The following UBE2E2 variants were observed in gnomAD, a reference collection of about 807,000 sequenced individuals.
UBE2E2 encodes ubiquitin-conjugating enzyme E2 E2.
A neutral mutation model predicts 24.7 loss-of-function variants in UBE2E2; 6 were observed. That is an observed-to-expected ratio of 0.24 (90% CI 0.13 to 0.48). UBE2E2 has a LOEUF of 0.48. Ranked by LOEUF, UBE2E2 falls within the 20% of genes least tolerant of loss-of-function variation. UBE2E2 has a pLI of 0.99. For missense variants in UBE2E2, 169 were observed against 245.0 expected (o/e 0.69, Z 2.07); for synonymous variants, 104 against 83.6 (o/e 1.24, Z -1.33).
intron 3 of UBE2E2, among the ~76,000 whole-genome samples, chr3:23,285,552 T>G (rs1193278342): frequency 6.6e-6 from 1 of 152,208 alleles, no homozygotes; most frequent in East Asian, 1.9e-4. Flanking sequence ...TGCCTGTCTT[T>G]GGATAAAAGT....
chr3:23,480,093 A>G (rs1699225137), intron 3 of UBE2E2, among the ~76,000 whole-genome samples: 2 of 152,102 alleles, frequency 1.3e-5, no homozygotes, highest in Admixed American at 6.5e-5. Flanking sequence ...CATACCATCC[A>G]TGGCACCCAG....
At chr3:23,584,858 C>T (rs574757643) in intron 5 of UBE2E2, among the ~76,000 whole-genome samples, 8 of 151,938 alleles carry the variant, frequency 5.3e-5, no homozygotes, top group East Asian at 3.9e-4. Flanking sequence ...AGGCATGAGC[C>T]GCTGTGCCCA....
chr3:23,500,026 T>C (rs1310919947), intron 4 of UBE2E2, among the ~76,000 whole-genome samples: 2 of 152,036 alleles, frequency 1.3e-5, no homozygotes, highest in Non-Finnish European at 2.9e-5. Context: ...GTTTTATGGG[T>C]GAAAATGGGG....
At chr3:23,268,050 G>A (rs1324766727) in intron 3 of UBE2E2, among the ~76,000 whole-genome samples, 8 of 151,388 alleles carry the variant, frequency 5.3e-5, no homozygotes, top group East Asian at 1.9e-4. Context: ...TTGATGGGAC[G>A]TATCTCAAAA....
At chr3:23,513,813 G>A (rs1158610338) in intron 4 of UBE2E2, among the ~76,000 whole-genome samples, 5 of 152,038 alleles carry the variant, frequency 3.3e-5, no homozygotes, top group Non-Finnish European at 7.4e-5. Context: ...ACCTTTTCAT[G>A]TGTCCAGAAT....
chr3:23,254,866 A>T (rs1697670823), intron 3 of UBE2E2, among the ~76,000 whole-genome samples: 1 of 152,002 alleles, frequency 6.6e-6, no homozygotes, highest in South Asian at 2.1e-4. Flanking sequence ...TCCTTGTATA[A>T]TCTTAAAGGG....
At chr3:23,234,493 A>T (rs975580466) in intron 3 of UBE2E2, among the ~76,000 whole-genome samples, 2 of 152,126 alleles carry the variant, frequency 1.3e-5, no homozygotes, top group Non-Finnish European at 2.9e-5. Flanking sequence ...GAGAGTTTTG[A>T]TTAATTTAGA....
At position 23,244,429 on chromosome 3, in the gene UBE2E2, T is replaced by C. The variant is rs1354900466; in HGVS notation, c.227+27117T>C. ...TCTTCATGCAGTTGACTTTTCTGTATTTGTGTGCTTTAGCCTCCTTAATGA... is the reference window on the plus strand; with the variant it reads ...TCTTCATGCAGTTGACTTTTCTGTACTTGTGTGCTTTAGCCTCCTTAATGA... On this transcript the variant is annotated intron_variant, in intron 3 of 5. Coordinates refer to ENST00000396703, the MANE Select transcript of UBE2E2 (RefSeq NM_152653.4). Among the ~76,000 whole-genome samples, 4 of 152,298 alleles carry C rather than the reference T, an allele frequency of 2.6e-5. No homozygotes were observed. The South Asian group carries it at 6.2e-4, about 24-fold the overall frequency.
In UBE2E2 at chr3:23,589,065, G is replaced by A. The variant is rs146301987; in HGVS notation, c.509-669G>A. Among the ~76,000 whole-genome samples, 581 of 152,080 alleles carry A rather than the reference G, an allele frequency of 3.8e-3. 6 individuals carry two copies. The highest frequency in any genetic ancestry group is 6.9e-3 in the Non-Finnish European group (472 of 67,994). ...GTCCAGACCGCCAAACGTCTTCCCA[G>A]GAGAGCTCATCAAGAGCCCATGAGT... is the stretch of plus-strand genomic sequence containing the variant. On this transcript the variant is annotated intron_variant, in intron 5 of 5. Coordinates refer to ENST00000396703, the MANE Select transcript of UBE2E2 (RefSeq NM_152653.4). This position sits in a 1 kb window ranked among gnomAD's most constrained non-coding sequence, Gnocchi z 4.1.
chr3:23,319,878 C>T (rs982897128), intron 3 of UBE2E2, among the ~76,000 whole-genome samples: 2 of 152,052 alleles, frequency 1.3e-5, no homozygotes, highest in African/African-American at 2.4e-5. Flanking sequence ...AACAACTATC[C>T]TCTTGTTGAC....
intron 1 of UBE2E2, chr3:23,204,837 A>G: frequency 1.2e-6 from 1 of 826,634 alleles, no homozygotes; most frequent in Non-Finnish European, 1.5e-6. Flanking sequence ...GAAGACAGCA[A>G]GACATATATG....
chr3:23,277,632 TA>T (rs1188343950), intron 3 of UBE2E2, among the ~76,000 whole-genome samples: 10 of 152,066 alleles, frequency 6.6e-5, no homozygotes, highest in Non-Finnish European at 1.5e-4. Flanking sequence ...AGTCCTAAAT[TA>T]GGGGGCTATA....
chr3:23,409,263 T>G (rs184544511), intron 3 of UBE2E2, among the ~76,000 whole-genome samples: 391 of 152,286 alleles, frequency 2.6e-3, no homozygotes, highest in Middle Eastern at 0.01. Context: ...GTTACACAGT[T>G]AGCTCTTAGA....
At chr3:23,341,638 C>A (rs557228083) in intron 3 of UBE2E2, among the ~76,000 whole-genome samples, 1 of 152,302 alleles carries the variant, frequency 6.6e-6, no homozygotes, top group East Asian at 1.9e-4. Flanking sequence ...CCCACAGCTA[C>A]TCTTATCTGC....
At chr3:23,457,571 C>G (rs1197479728) in intron 3 of UBE2E2, among the ~76,000 whole-genome samples, 2 of 152,140 alleles carry the variant, frequency 1.3e-5, no homozygotes, top group African/African-American at 4.8e-5. Flanking sequence ...GTCACCAAGG[C>G]TGGAGTGCAG....
chr3:23,247,034 T>C (rs989967655), intron 3 of UBE2E2, among the ~76,000 whole-genome samples: 1 of 152,042 alleles, frequency 6.6e-6, no homozygotes, highest in Admixed American at 6.5e-5. Flanking sequence ...ACGTTTTTTA[T>C]TGTAGAGACA....
chr3:23,314,361 C>G (rs1334244235), intron 3 of UBE2E2, among the ~76,000 whole-genome samples: 3 of 152,122 alleles, frequency 2.0e-5, no homozygotes, highest in Admixed American at 2.0e-4. Context: ...TACTCCTGGG[C>G]TCAAGTGATC....
intron 3 of UBE2E2, among the ~76,000 whole-genome samples, chr3:23,290,076 A>C (rs979601305): frequency 2.6e-5 from 4 of 152,226 alleles, no homozygotes; most frequent in Non-Finnish European, 5.9e-5. Flanking sequence ...ATTTTAAACC[A>C]CTCAATAATG....
chr3:23,267,668 C>T (rs1239449432), intron 3 of UBE2E2, among the ~76,000 whole-genome samples: 1 of 151,762 alleles, frequency 6.6e-6, no homozygotes, highest in Non-Finnish European at 1.5e-5. Context: ...CTATTCCAAT[C>T]AATAGAAAAA....
Sources: allele counts gnomAD v4.1 joint callset (sites outside exome capture counted in the v4.1 genomes callset), GRCh38; gene constraint gnomAD v4.1.1; non-coding constraint Gnocchi (gnomAD v3.1); transcripts MANE v1.5; gene names NCBI Gene and HGNC (gene_info 2026-07-23, HGNC 2026-07-21).